Variants in PRORP observed in about 807,000 individuals in gnomAD.
PRORP encodes the protein protein only RNase P catalytic subunit.
Under a neutral mutation model 59.4 loss-of-function variants are expected in PRORP, and 51 were observed. The ratio of observed to expected loss-of-function variants is 0.86; its 90% CI spans 0.69 to 1.08. PRORP has a LOEUF of 1.08. Ranked by LOEUF, PRORP falls within the 50% of genes least tolerant of loss-of-function variation. The pLI is 0.00. For missense variants in PRORP, 646 were observed against 690.3 expected (o/e 0.94, Z 0.72); for synonymous variants, 231 against 245.6 (o/e 0.94, Z 0.55).
Position 35,180,848 on chromosome 14 carries a change from G to C in PRORP, c.1275+71G>C. On this transcript the variant is annotated intron_variant, in intron 5 of 7. Transcript: ENST00000534898. Reference sequence around the variant, plus strand: ...TATTATACCCATTTATGACCTTCTTGGGGCTCTTAGCTCCTCAGTTTTTCT... The same window carrying C: ...TATTATACCCATTTATGACCTTCTTCGGGCTCTTAGCTCCTCAGTTTTTCT... The C allele has an allele frequency of 3.0e-6, 3 of 1,003,962 alleles. No homozygotes were observed. The South Asian group carries it at 4.2e-5, about 14-fold the overall frequency. The allele number at this position is 1,003,962 out of a possible 1,614,324, so 62.2% of individuals were successfully genotyped here.
At chr14:35,176,880 G>C (rs915471014) in intron 4 of PRORP, among the ~76,000 whole-genome samples, 2 of 130,072 alleles carry the variant, frequency 1.5e-5, no homozygotes, top group South Asian at 2.5e-4. Context: ...CTGTGGGTTT[G>C]TCATAAATAG....
At chr14:35,177,000 A>G (rs7144761) in intron 4 of PRORP, among the ~76,000 whole-genome samples, 9,338 of 152,152 alleles carry the variant, frequency 0.061, 476 homozygotes, top group African/African-American at 0.14. Context: ...TTGAGATAAT[A>G]GTGTGGTTTT....
intron 5 of PRORP, among the ~76,000 whole-genome samples, chr14:35,188,202 T>TC (rs2048789892): frequency 6.8e-6 from 1 of 147,860 alleles, no homozygotes; most frequent in African/African-American, 2.5e-5. Context: ...TTTTTTTTTT[T>TC]TTTTTTGAGA....
chr14:35,223,460 T>C (rs1595340120), intron 5 of PRORP, among the ~76,000 whole-genome samples: 1 of 143,262 alleles, frequency 7.0e-6, no homozygotes, highest in African/African-American at 2.6e-5. Flanking sequence ...CTTTAACTTT[T>C]TTTTTTTTTT....
At chr14:35,252,005 G>A (rs76918323) in intron 5 of PRORP, among the ~76,000 whole-genome samples, 15,717 of 152,068 alleles carry the variant, frequency 0.1, 875 homozygotes, top group African/African-American at 0.16. Context: ...ATACTGATAT[G>A]AATATAAATT....
intron 4 of PRORP, among the ~76,000 whole-genome samples, chr14:35,155,120 G>A (rs930328732): frequency 6.6e-6 from 1 of 152,074 alleles, no homozygotes; most frequent in African/African-American, 2.4e-5. Flanking sequence ...TCTCGAACTC[G>A]TGGGCTCAAG....
At chr14:35,230,637 T>C (rs1184330483) in intron 5 of PRORP, among the ~76,000 whole-genome samples, 2 of 152,182 alleles carry the variant, frequency 1.3e-5, no homozygotes, top group African/African-American at 2.4e-5. Flanking sequence ...CTCTCAGATA[T>C]GCCTTTTCAA....
At chr14:35,252,474 CATT>C (rs150984429) in intron 5 of PRORP, among the ~76,000 whole-genome samples, 1 of 152,236 alleles carries the variant, frequency 6.6e-6, no homozygotes, top group Non-Finnish European at 1.5e-5. Context: ...AGAAGGCAGT[CATT>C]ATCCTTTCTG....
At position 35,273,750 on chromosome 14, in the gene PRORP, T is replaced by C. The variant is rs1273422318; in HGVS notation, c.*184T>C. On this transcript the variant is annotated 3_prime_UTR_variant, in exon 8 of 8. Coordinates refer to ENST00000534898, the MANE Select transcript of PRORP (RefSeq NM_014672.4). ...CTTTTCATAACCAGCTGCGTTTTTT[T>C]CCCCTAACATTTGTTTTTGGAGGCT... 8.7e-6 allele frequency: 4 copies of C among 460,162 alleles called. No homozygotes were observed. Among genetic ancestry groups the C allele is most frequent in the Non-Finnish European group, 7.1e-6 (2 of 282,476 alleles). 28.5% of individuals were successfully genotyped at this position (460,162 alleles called of 1,614,324 possible).
At chr14:35,187,428 G>GTTTTTTTTTT (rs34808330) in intron 5 of PRORP, among the ~76,000 whole-genome samples, 3 of 138,980 alleles carry the variant, frequency 2.2e-5, no homozygotes, top group Non-Finnish European at 1.5e-5. Flanking sequence ...TAGTTTCTTT[G>GTTTTTTTTTT]TTTTTTTTTT....
chr14:35,224,372 A>G (rs1369296202), intron 5 of PRORP, among the ~76,000 whole-genome samples: 1 of 152,178 alleles, frequency 6.6e-6, no homozygotes, highest in African/African-American at 2.4e-5. Context: ...TATATGTTCA[A>G]AGTGCTTTAT....
intron 5 of PRORP, among the ~76,000 whole-genome samples, chr14:35,253,262 C>T (rs536320536): frequency 5.4e-5 from 8 of 148,244 alleles, no homozygotes; most frequent in Admixed American, 4.1e-4. Flanking sequence ...CCCAGGAGGT[C>T]GAGGCTGCAG....
intron 5 of PRORP, among the ~76,000 whole-genome samples, chr14:35,181,409 A>G (rs893764684): frequency 6.6e-6 from 1 of 152,222 alleles, no homozygotes; most frequent in African/African-American, 2.4e-5. Flanking sequence ...TAGATTGTAG[A>G]GAGCTCCTGG....
chr14:35,239,155 A>G (rs1331024760), intron 5 of PRORP, among the ~76,000 whole-genome samples: 3 of 152,002 alleles, frequency 2.0e-5, no homozygotes, highest in African/African-American at 7.3e-5. Context: ...CAGGAGTTCA[A>G]AACCAGCCTG....
chr14:35,226,009 A>G (rs1288324511), intron 5 of PRORP, among the ~76,000 whole-genome samples: 1 of 152,322 alleles, frequency 6.6e-6, no homozygotes, highest in East Asian at 1.9e-4. Flanking sequence ...TGACCTAGTG[A>G]TACCTGTTAT....
rs1448901389 is a variant in PRORP at position 35,178,894 on chromosome 14, A to G, written c.1168-1776A>G. Among the ~76,000 whole-genome samples the G allele has an allele frequency of 5.3e-5, 8 of 152,174 alleles. No homozygotes were observed. In the South Asian group the frequency reaches 1.2e-3, roughly 24 times the overall value. The stretch of plus-strand genomic sequence containing the variant: ...TGGCTGGTACCGGTTGTATCTTTCC[A>G]CGTTTAGTGCTTCCTTCAGAAGCTC... On this transcript the variant is annotated intron_variant, in intron 4 of 7. Transcript: ENST00000534898.
At chr14:35,265,754 T>C (rs1395061494) in intron 5 of PRORP, among the ~76,000 whole-genome samples, 1 of 152,168 alleles carries the variant, frequency 6.6e-6, no homozygotes, top group South Asian at 2.1e-4. Flanking sequence ...AGAATACCAA[T>C]ATGATAAATA....
rs1394070181 is a variant in PRORP at position 35,276,851 on chromosome 14, G to C, written c.*3285G>C. 1.3e-5 allele frequency: 2 copies of C among 152,090 alleles called. No homozygotes were observed. The highest frequency in any genetic ancestry group is 2.9e-5 in the Non-Finnish European group (2 of 68,014). 9.4% of individuals were successfully genotyped at this position (152,090 alleles called of 1,614,324 possible). A position where few individuals can be genotyped will look rare whatever the true frequency, so the allele number is the denominator to read the frequency against. On this transcript the variant is annotated 3_prime_UTR_variant, in exon 8 of 8. Coordinates refer to ENST00000534898, the MANE Select transcript of PRORP (RefSeq NM_014672.4). ...TACACTTTTCCTCCTGCTGTTCTCA[G>C]ACCCAGTGGAAAGAAAATCTCAAGG... is the stretch of plus-strand genomic sequence containing the variant.
intron 5 of PRORP, chr14:35,235,587 T>C (rs777083023): frequency 9.8e-6 from 5 of 512,598 alleles, no homozygotes; most frequent in Admixed American, 5.7e-5. Flanking sequence ...GGTCTTTTAG[T>C]GGGGACGTCC....
Sources: gnomAD v4.1 joint callset for allele counts (sites outside exome capture counted in the v4.1 genomes callset) on GRCh38, gnomAD v4.1.1 for gene constraint, MANE v1.5 for transcripts, NCBI Gene and HGNC (gene_info 2026-07-23, HGNC 2026-07-21) for gene names.